The following MIB2 variants were observed in gnomAD, a reference collection of about 807,000 sequenced individuals.
MIB2 encodes the protein MIB E3 ubiquitin protein ligase 2, also known as E3 ubiquitin-protein ligase MIB2.
MIB2 carries 78 observed loss-of-function variants against 96.6 expected under a neutral mutation model. That is an observed-to-expected ratio of 0.81 (90% CI 0.67 to 0.97). The LOEUF is 0.97. Ranked by LOEUF, MIB2 falls within the 50% of genes least tolerant of loss-of-function variation. The pLI is 0.00. For missense variants in MIB2, 1,543 were observed against 1,424.0 expected (o/e 1.08, Z -1.35); for synonymous variants, 820 against 629.5 (o/e 1.30, Z -4.53).
rs147305689 is a variant in MIB2 at position 1,627,183 on chromosome 1, C to T, written c.1350C>T (p.Asp450=). The T allele has an allele frequency of 1.1e-4, 178 of 1,595,636 alleles. No individual in the cohort carries two copies. The highest frequency in any genetic ancestry group is 1.4e-4 in the Non-Finnish European group (167 of 1,171,744). ...VALGNAARAL[D]LLRRRPEQVD... is the part of the protein sequence containing the mutation. ...TGGGTAACGCAGCCCGGGCTCTGGA[C>T]CTGCTGCGGAGGCGCCCAGAGCAGG... Residue 450 remains aspartate, a synonymous_variant, in exon 11 of 20, where the codon GAC becomes GAT. Coordinates refer to ENST00000355826, the MANE Select transcript of MIB2 (RefSeq NM_001170687.4).
rs779026161 is a variant in MIB2 at position 1,628,607 on chromosome 1, C to G, written c.2087C>G (p.Ala696Gly). ...LLVDAGCSVN[A>G]EDEEGDTALH... ...GTGGACGCTGGGTGCAGTGTCAACG[C>G]CGAGGACGAGGAGGGGGACACAGCC... Residue 696 changes from alanine (A) to glycine (G), a missense_variant, in exon 16 of 20, where the codon GCC becomes GGC. By Grantham distance (60) the Ala-to-Gly change is moderately conservative. Transcript: ENST00000355826. 2 of 1,599,666 alleles carry G rather than the reference C, an allele frequency of 1.3e-6. No homozygotes were observed. Among genetic ancestry groups the G allele is most frequent in the East Asian group, 2.2e-5 (1 of 44,528 alleles).
At position 1,625,133 on chromosome 1, in the gene MIB2, T is replaced by G. The variant is rs1291130391; in HGVS notation, c.669T>G (p.Cys223Trp). Residue 223 changes from cysteine to tryptophan, a missense_variant, in exon 6 of 20, where the codon TGT (cysteine) becomes TGG (tryptophan). By Grantham distance (215) the Cys-to-Trp change is radical. Coordinates refer to ENST00000355826, the MANE Select transcript of MIB2 (RefSeq NM_001170687.4). This position sits in a 1 kb window ranked among gnomAD's most constrained non-coding sequence, Gnocchi z 5.0. ...ACAAGGGCAAGGTGGACCTCAAGTG[T>G]GTGGGCGAGGCAGCGGGCGGCTTCT... ...VGHKGKVDLK[C>W]VGEAAGGFYY... The G allele has an allele frequency of 1.2e-6, 2 of 1,612,982 alleles. No homozygotes were observed.
Position 1,625,478 on chromosome 1 carries a change from C to T in MIB2, c.864+50C>T, listed in dbSNP as rs72897889. The T allele has an allele frequency of 4.0e-3, 6,166 of 1,553,146 alleles. 217 individuals are homozygous for T. The African/African-American group carries it at 0.074, about 19-fold the overall frequency. On this transcript the variant is annotated intron_variant, in intron 7 of 19. Coordinates refer to ENST00000355826, the MANE Select transcript of MIB2 (RefSeq NM_001170687.4). The surrounding 1 kb of genome is among the most constrained non-coding windows in gnomAD (Gnocchi z 5.0). ...TGTGTGCCCTGCCCTCCCAGCCCTC[C>T]GCCCCCTCAGCCCCTTCCTCCCCAA...
rs1644711522 is a variant in MIB2 at position 1,625,866 on chromosome 1, C to T, written c.972+213C>T. On this transcript the variant is annotated intron_variant, in intron 8 of 19. Coordinates refer to ENST00000355826, the MANE Select transcript of MIB2 (RefSeq NM_001170687.4). The surrounding 1 kb of genome is among the most constrained non-coding windows in gnomAD (Gnocchi z 5.0). ...AAGGAACCCAGAGGAGGGTATGTCTCTGGGAGCTGGAATGGGCAGGTTAGG... is the reference window on the plus strand; with the variant it reads ...AAGGAACCCAGAGGAGGGTATGTCTTTGGGAGCTGGAATGGGCAGGTTAGG... 1 of 585,232 alleles carries T rather than the reference C, an allele frequency of 1.7e-6. No individual in the cohort carries two copies. Among genetic ancestry groups the T allele is most frequent in the African/African-American group, 1.9e-5 (1 of 53,376 alleles). 36.3% of individuals were successfully genotyped at this position (585,232 alleles called of 1,614,324 possible). A position where few individuals can be genotyped will look rare whatever the true frequency, so the allele number is the denominator to read the frequency against.
At chr1:1,616,635 G>A (rs774645586) in intron 2 of MIB2, 21 bp downstream of exon 2, 8 of 1,554,872 alleles carry the variant, frequency 5.1e-6, no homozygotes, top group Middle Eastern at 1.7e-4. Context: ...GATCGTCCGC[G>A]GCCTGATAGT....
Position 1,626,852 on chromosome 1 carries a change from G to A in MIB2, c.1093G>A (p.Gly365Arg), listed in dbSNP as rs1388757702. Residue 365 changes from glycine to arginine, a missense_variant, in exon 10 of 20, where the codon GGG (glycine) becomes AGG (arginine). Gly to Arg is a moderately radical substitution (Grantham distance 125). Coordinates refer to ENST00000355826, the MANE Select transcript of MIB2 (RefSeq NM_001170687.4). This position sits in a 1 kb window ranked among gnomAD's most constrained non-coding sequence, Gnocchi z 5.3. ...DDMAPALGRV[G>R]KVVKVFGDGN... Reference sequence around the variant, plus strand: ...CTCCCCGCAGGCCCTGGGCCGCGTCGGGAAGGTGGTGAAAGTGTTTGGAGA... The same window carrying A: ...CTCCCCGCAGGCCCTGGGCCGCGTCAGGAAGGTGGTGAAAGTGTTTGGAGA... 8 of 1,603,006 alleles carry A rather than the reference G, an allele frequency of 5.0e-6. No individual in the cohort carries two copies. The highest frequency in any genetic ancestry group is 2.2e-5 in the East Asian group (1 of 44,802).
chr1:1,627,163 A>G lies in MIB2; in HGVS notation c.1330A>G (p.Asn444Asp). 6.3e-7 allele frequency: 1 copy of G among 1,590,830 alleles called. No homozygotes were observed. Among genetic ancestry groups the G allele is most frequent in the Non-Finnish European group, 8.6e-7 (1 of 1,169,298 alleles). ...GRLVVEVALG[N>D]AARALDLLRR... ...GCTGGTGGTGGAGGTGGCGCTGGGT[A>G]ACGCAGCCCGGGCTCTGGACCTGCT... Residue 444 changes from asparagine to aspartate, a missense_variant, in exon 11 of 20, where the codon AAC (asparagine) becomes GAC (aspartate). Coordinates refer to ENST00000355826, the MANE Select transcript of MIB2 (RefSeq NM_001170687.4).
Position 1,625,322 on chromosome 1 carries a change from A to C in MIB2, c.758A>C (p.Asp253Ala). 6.3e-7 allele frequency: 1 copy of C among 1,580,420 alleles called. No homozygotes were observed. Among genetic ancestry groups the C allele is most frequent in the Non-Finnish European group, 8.6e-7 (1 of 1,164,322 alleles). Reference protein sequence around the residue: ...PAELQRRVSADSQPFQHGDKV... With the variant: ...PAELQRRVSAASQPFQHGDKV... Reference sequence around the variant, plus strand: ...GAGCTGCAGCGCAGGGTGAGTGCTGACAGCCAGCCCTTCCAGCACGGGGAC... The same window carrying C: ...GAGCTGCAGCGCAGGGTGAGTGCTGCCAGCCAGCCCTTCCAGCACGGGGAC... Residue 253 changes from aspartate to alanine, a missense_variant, in exon 7 of 20, where the codon GAC (aspartate) becomes GCC (alanine). By Grantham distance (126) the Asp-to-Ala change is moderately radical. Coordinates refer to ENST00000355826, the MANE Select transcript of MIB2 (RefSeq NM_001170687.4). The surrounding 1 kb of genome is among the most constrained non-coding windows in gnomAD (Gnocchi z 5.0).
In MIB2 at chr1:1,623,707, C is replaced by T; in HGVS notation, c.247+8C>T. ...ACGACAACGCCCAGATCGGTGCGCG[C>T]CAAGGGCAGGCGGGACGGGCAGGAC... On this transcript the variant is annotated splice_region_variant and intron_variant, in intron 3 of 19. Transcript: ENST00000355826. The T allele has an allele frequency of 3.9e-6, 6 of 1,529,504 alleles. No homozygotes were observed. Among genetic ancestry groups the T allele is most frequent in the Non-Finnish European group, 5.3e-6 (6 of 1,137,114 alleles). 94.7% of individuals were successfully genotyped at this position (1,529,504 alleles called of 1,614,324 possible).
intron 16 of MIB2, 48 bp from the exon 17 acceptor site, chr1:1,629,085 G>T: frequency 7.2e-7 from 1 of 1,394,102 alleles, no homozygotes; most frequent in Non-Finnish European, 9.2e-7. Flanking sequence ...CGCCTCCCTC[G>T]GGCCTGCCCC....
intron 19 of MIB2, 143 bp downstream of exon 19, chr1:1,629,847 C>T (rs1169874247): frequency 4.2e-6 from 3 of 712,322 alleles, no homozygotes; most frequent in Non-Finnish European, 6.3e-6. Context: ...CACACCCGGC[C>T]CCCCAGCCCC....
intron 16 of MIB2, 105 bp from the exon 17 acceptor site, chr1:1,629,028 T>A (rs1465095804): frequency 8.0e-7 from 1 of 1,243,352 alleles, no homozygotes; most frequent in Non-Finnish European, 1.1e-6. Flanking sequence ...TTGCCTTGTA[T>A]TTTAGACATG....
intron 12 of MIB2, 35 bp from the exon 13 acceptor site, chr1:1,627,638 C>G (rs374423818): frequency 1.3e-6 from 2 of 1,571,600 alleles, no homozygotes; most frequent in African/African-American, 1.3e-5. Flanking sequence ...CCACCGGGCC[C>G]GGCGCCCTCC....
chr1:1,627,683 G>C lies in MIB2; in HGVS notation c.1534G>C (p.Glu512Gln), dbSNP rs1013517637. ...TTCCTCTCCTGTCAGGAACCAGCCC[G>C]AGGCCACCAGGGTGCTCCTGAGTGC... ...LHYAALGNQP[E>Q]ATRVLLSAGC... Residue 512 changes from glutamate to glutamine, a missense_variant, in exon 13 of 20, where the codon GAG becomes CAG. Coordinates refer to ENST00000355826, the MANE Select transcript of MIB2 (RefSeq NM_001170687.4). 2 of 1,593,696 alleles carry C rather than the reference G, an allele frequency of 1.3e-6. No individual in the cohort carries two copies. Among genetic ancestry groups the C allele is most frequent in the African/African-American group, 1.3e-5 (1 of 74,840 alleles).
Position 1,620,716 on chromosome 1 carries a change from CT to C in MIB2, c.-22-2713del, listed in dbSNP as rs1299039011. 5.3e-5 allele frequency among the ~76,000 whole-genome samples: 8 copies of C among 152,380 alleles called. No individual in the cohort carries two copies. The South Asian group carries it at 6.2e-4, about 12-fold the overall frequency. On this transcript the variant is annotated intron_variant, in intron 2 of 19. Transcript: ENST00000355826. The stretch of plus-strand genomic sequence containing the variant: ...AGCTCAGCCCAGGCCATGCCTCACC[CT>C]TCTTGGGTGCTCCATGGGCAAAAGC...
At chr1:1,629,081 C>T in intron 16 of MIB2, 52 bp from the exon 17 acceptor site, 2 of 1,389,610 alleles carry the variant, frequency 1.4e-6, no homozygotes, top group South Asian at 1.6e-5. Context: ...GAGACGCCTC[C>T]CTCGGGCCTG....
Position 1,625,562 on chromosome 1 carries a change from G to T in MIB2, c.881G>T (p.Gly294Val). Residue 294 changes from glycine (G) to valine (V), a missense_variant, in exon 8 of 20, where the codon GGC (glycine) becomes GTC (valine). By Grantham distance (109) the Gly-to-Val change is moderately radical (BLOSUM62 -3). Coordinates refer to ENST00000355826, the MANE Select transcript of MIB2 (RefSeq NM_001170687.4). The surrounding 1 kb of genome is among the most constrained non-coding windows in gnomAD (Gnocchi z 5.0). ...PRMAEFIGQT[G>V]TVHRITDRGD... Reference sequence around the variant, plus strand: ...CCGCCACAGTTTATCGGACAGACGGGCACCGTGCATCGTATCACGGACCGC... The same window carrying T: ...CCGCCACAGTTTATCGGACAGACGGTCACCGTGCATCGTATCACGGACCGC... 6.3e-7 allele frequency: 1 copy of T among 1,582,596 alleles called. No individual in the cohort carries two copies. Among genetic ancestry groups the T allele is most frequent in the Non-Finnish European group, 8.6e-7 (1 of 1,164,866 alleles).
At chr1:1,619,490 G>C (rs1055367964) in intron 2 of MIB2, among the ~76,000 whole-genome samples, 2 of 152,230 alleles carry the variant, frequency 1.3e-5, no homozygotes, top group African/African-American at 4.8e-5. Flanking sequence ...GTTGGCAGGC[G>C]GGCAGGCATG....
rs976912368 is a variant in MIB2, at chr1:1,627,192, G to C, written c.1359G>C (p.Arg453=). Residue 453 remains arginine, a synonymous_variant, in exon 11 of 20, where the codon CGG becomes CGC. Coordinates refer to ENST00000355826, the MANE Select transcript of MIB2 (RefSeq NM_001170687.4). ...CAGCCCGGGCTCTGGACCTGCTGCG[G>C]AGGCGCCCAGAGCAGGCAAGCTCCT... ...GNAARALDLL[R]RRPEQVDTKN... is the part of the protein sequence containing the mutation. 6.3e-7 allele frequency: 1 copy of C among 1,599,478 alleles called. No homozygotes were observed. Among genetic ancestry groups the C allele is most frequent in the East Asian group, 2.3e-5 (1 of 44,022 alleles).
Sources: gnomAD v4.1 joint callset for allele counts (sites outside exome capture counted in the v4.1 genomes callset) on GRCh38, gnomAD v4.1.1 for gene constraint, Gnocchi (gnomAD v3.1) non-coding constraint, MANE v1.5 for transcripts, NCBI Gene and HGNC (gene_info 2026-07-23, HGNC 2026-07-21) for gene names.